The following RIC1 variants were observed in gnomAD, a reference collection of about 807,000 sequenced individuals.
RIC1 encodes the protein guanine nucleotide exchange factor subunit RIC1.
RIC1 carries 88 observed loss-of-function variants against 169.0 expected under a neutral mutation model. That is an observed-to-expected ratio of 0.52 (90% CI 0.44 to 0.62). RIC1 has a LOEUF of 0.62. Ranked by LOEUF, RIC1 falls within the 20% of genes least tolerant of loss-of-function variation. RIC1 has a pLI of 0.00. For missense variants in RIC1, 1,877 were observed against 1,725.5 expected (o/e 1.09, Z -1.56); for synonymous variants, 790 against 601.5 (o/e 1.31, Z -4.59).
At chr9:5,704,701 T>A (rs1013442876) in intron 3 of RIC1, among the ~76,000 whole-genome samples, 18 of 152,256 alleles carry the variant, frequency 1.2e-4, no homozygotes, top group African/African-American at 3.1e-4. Flanking sequence ...ATATATATAT[T>A]TTGTTCCTTA....
At chr9:5,637,666 A>G (rs748515175) in intron 1 of RIC1, among the ~76,000 whole-genome samples, 5 of 152,054 alleles carry the variant, frequency 3.3e-5, no homozygotes, top group Non-Finnish European at 5.9e-5. Context: ...CCATTAGTTC[A>G]ATTGTTTTGA....
intron 2 of RIC1, among the ~76,000 whole-genome samples, chr9:5,680,815 ATTTTTTTTT>A (rs66478510): frequency 8.7e-5 from 5 of 57,762 alleles, no homozygotes; most frequent in Admixed American, 4.7e-4. Context: ...GCAGTCATTG[ATTTTTTTTT>A]TTTTTTTTTT....
rs539382804 is a variant in RIC1 at position 5,768,481 on chromosome 9, T to A, written c.3138-489T>A. Among the ~76,000 whole-genome samples the A allele has an allele frequency of 6.8e-4, 103 of 152,264 alleles. 2 individuals carry two copies. Among genetic ancestry groups the A allele is most frequent in the South Asian group, 6.0e-3 (29 of 4,824 alleles). ...AGTTTGAGGTTGCAGTGAGCTATGA[T>A]CACACCACTGCACTCCAGACTGGGT... is the stretch of plus-strand genomic sequence containing the variant. On this transcript the variant is annotated intron_variant, in intron 21 of 25. Transcript: ENST00000414202.
intron 2 of RIC1, among the ~76,000 whole-genome samples, chr9:5,678,282 A>G (rs1046261374): frequency 2.8e-4 from 42 of 152,112 alleles, no homozygotes; most frequent in African/African-American, 9.7e-4. Context: ...AGTGTTTGCT[A>G]TTGTGAATAG....
chr9:5,712,454 CTAAT>C (rs753375919), intron 3 of RIC1, among the ~76,000 whole-genome samples: 1 of 152,036 alleles, frequency 6.6e-6, no homozygotes, highest in Non-Finnish European at 1.5e-5. Context: ...TGACAAAGGG[CTAAT>C]ATCCAGCATC....
intron 3 of RIC1, among the ~76,000 whole-genome samples, chr9:5,701,358 C>T (rs1299415362): frequency 1.3e-5 from 2 of 152,150 alleles, no homozygotes; most frequent in African/African-American, 4.8e-5. Flanking sequence ...CGCCTGCAAT[C>T]TCAGCACTTT....
chr9:5,716,703 A>G (rs1365100152), intron 4 of RIC1, among the ~76,000 whole-genome samples: 2 of 152,224 alleles, frequency 1.3e-5, no homozygotes, highest in Admixed American at 1.3e-4. Context: ...TACGCCAATA[A>G]TGAATCCTTC....
chr9:5,662,281 G>A (rs139778219), intron 2 of RIC1, among the ~76,000 whole-genome samples: 12 of 152,174 alleles, frequency 7.9e-5, no homozygotes, highest in Non-Finnish European at 1.5e-4. Flanking sequence ...ATATTGGCCT[G>A]AGGTTTTCTT....
chr9:5,664,372 C>G (rs1819630890), intron 2 of RIC1, among the ~76,000 whole-genome samples: 1 of 151,774 alleles, frequency 6.6e-6, no homozygotes, highest in Non-Finnish European at 1.5e-5. Context: ...GAGATTGCAC[C>G]ACTGCACTCC....
chr9:5,769,972 G>C, intron 22 of RIC1, 115 bp from the exon 23 acceptor site: 1 of 896,230 alleles, frequency 1.1e-6, no homozygotes, highest in Non-Finnish European at 1.7e-6. Flanking sequence ...AATTGCCTTT[G>C]AACTGTTCTT....
At chr9:5,744,854 T>A (rs1250833128) in intron 10 of RIC1, among the ~76,000 whole-genome samples, 1 of 152,186 alleles carries the variant, frequency 6.6e-6, no homozygotes, top group African/African-American at 2.4e-5. Context: ...TTTTTCTTGC[T>A]ATAGCCCCTC....
At chr9:5,641,176 C>T (rs1329066209) in intron 1 of RIC1, among the ~76,000 whole-genome samples, 2 of 151,386 alleles carry the variant, frequency 1.3e-5, no homozygotes, top group African/African-American at 4.9e-5. Flanking sequence ...ACTGCAAGCT[C>T]TGCCTCCTGG....
At chr9:5,716,280 A>T (rs2130841899) in intron 4 of RIC1, among the ~76,000 whole-genome samples, 1 of 152,316 alleles carries the variant, frequency 6.6e-6, no homozygotes, top group Non-Finnish European at 1.5e-5. Context: ...CTAAATTTTT[A>T]AATGTACTCA....
intron 3 of RIC1, among the ~76,000 whole-genome samples, chr9:5,703,805 T>C (rs1243708067): frequency 6.6e-6 from 1 of 152,270 alleles, no homozygotes; most frequent in African/African-American, 2.4e-5. Context: ...TTTTCACTTT[T>C]TGGCTATTGG....
intron 6 of RIC1, among the ~76,000 whole-genome samples, chr9:5,723,400 G>C (rs1823738141): frequency 6.6e-6 from 1 of 152,072 alleles, no homozygotes; most frequent in South Asian, 2.1e-4. Context: ...TTTTTGATGG[G>C]GTGGTTTGAT....
chr9:5,691,027 G>T (rs952931231), intron 3 of RIC1, among the ~76,000 whole-genome samples: 2 of 151,668 alleles, frequency 1.3e-5, no homozygotes, highest in African/African-American at 4.8e-5. Context: ...ATTACTGCTC[G>T]CAGAGGTATA....
At chr9:5,744,669 G>C (rs1187400879) in intron 10 of RIC1, among the ~76,000 whole-genome samples, 2 of 151,110 alleles carry the variant, frequency 1.3e-5, no homozygotes, top group Non-Finnish European at 3.0e-5. Context: ...ATCACATGAA[G>C]TCAGGTGTGG....
intron 2 of RIC1, among the ~76,000 whole-genome samples, chr9:5,673,535 GATATATATATAT>G (rs59648906): frequency 8.4e-6 from 1 of 119,304 alleles, no homozygotes; most frequent in Non-Finnish European, 1.7e-5. Context: ...AACATAAGGA[GATATATATATAT>G]ATATATATAT....
intron 8 of RIC1, among the ~76,000 whole-genome samples, chr9:5,741,567 C>T (rs1825084014): frequency 6.6e-6 from 1 of 152,014 alleles, no homozygotes; most frequent in South Asian, 2.1e-4. Context: ...CCAGTTATGC[C>T]TAATAATGTT....
Sources: gnomAD v4.1 joint callset for allele counts (sites outside exome capture counted in the v4.1 genomes callset) on GRCh38, gnomAD v4.1.1 for gene constraint, MANE v1.5 for transcripts, NCBI Gene and HGNC (gene_info 2026-07-23, HGNC 2026-07-21) for gene names.